Variants in INSYN2B observed in about 807,000 individuals in gnomAD.
INSYN2B encodes the protein inhibitory synaptic factor family member 2B.
INSYN2B carries 16 observed loss-of-function variants against 41.2 expected under a neutral mutation model. That is an observed-to-expected ratio of 0.39 (90% CI 0.26 to 0.59). The LOEUF is 0.59. Ranked by LOEUF, INSYN2B falls within the 20% of genes least tolerant of loss-of-function variation. The pLI is 0.57. For synonymous variants in INSYN2B, 245 were observed against 244.4 expected (o/e 1.00, Z -0.02); for missense variants, 608 against 646.4 (o/e 0.94, Z 0.64).
intron 1 of INSYN2B, chr5:169,934,567 A>T (rs1375750916): frequency 2.2e-6 from 1 of 451,048 alleles, no homozygotes; most frequent in Non-Finnish European, 4.5e-6. Flanking sequence ...ACACACCTGG[A>T]TCTAAATCCT....
chr5:169,946,654 G>A (rs989698184), intron 1 of INSYN2B, among the ~76,000 whole-genome samples: 5 of 152,198 alleles, frequency 3.3e-5, no homozygotes, highest in African/African-American at 4.8e-5. Flanking sequence ...GAATAAGATA[G>A]GCCAGTTCCT....
intron 1 of INSYN2B, among the ~76,000 whole-genome samples, chr5:169,919,492 T>G (rs1775057221): frequency 6.6e-6 from 1 of 152,248 alleles, no homozygotes; most frequent in Non-Finnish European, 1.5e-5. Context: ...GCCACCTGAT[T>G]TATTCTCTGA....
At position 169,883,231 on chromosome 5, in the gene INSYN2B, G is replaced by A. The variant is rs1301678165; in HGVS notation, c.668C>T (p.Pro223Leu). 7 of 1,551,460 alleles carry A rather than the reference G, an allele frequency of 4.5e-6. No individual in the cohort carries two copies. In the Admixed American group the frequency reaches 1.2e-4, roughly 26 times the overall value. The change falls in exon 2 of 4, where the codon CCA (proline) becomes CTA (leucine). Residue 223 changes from proline (P) to leucine (L), a missense_variant. Physicochemically the swap from Pro to Leu is moderately conservative, Grantham distance 98. Transcript: ENST00000377365. ...GTTACTTACTTCAGCTGACCTGTCT[G>A]GGCTGAGAGCAGACTCTCTAGCTTC... is the stretch of plus-strand genomic sequence containing the variant. ...SWEARESALS[P>L]DRSAEVSNSI...
chr5:169,945,447 T>C (rs1776408206), intron 1 of INSYN2B, among the ~76,000 whole-genome samples: 1 of 152,228 alleles, frequency 6.6e-6, no homozygotes, highest in Non-Finnish European at 1.5e-5. Context: ...CTAACAAGTG[T>C]TATTAATTGA....
chr5:169,938,386 A>G (rs1419818228), intron 1 of INSYN2B, among the ~76,000 whole-genome samples: 2 of 152,166 alleles, frequency 1.3e-5, no homozygotes, highest in Non-Finnish European at 2.9e-5. Flanking sequence ...ACGAAGCTAG[A>G]TGAGAGCCTA....
intron 1 of INSYN2B, among the ~76,000 whole-genome samples, chr5:169,945,497 ATGTGT>A (rs1776410158): frequency 6.6e-6 from 1 of 152,268 alleles, no homozygotes; most frequent in Non-Finnish European, 1.5e-5. Context: ...AACACTTTGT[ATGTGT>A]TGTCTCATGC....
At chr5:169,888,762 T>G (rs1773119535) in intron 1 of INSYN2B, among the ~76,000 whole-genome samples, 2 of 152,326 alleles carry the variant, frequency 1.3e-5, no homozygotes, top group South Asian at 4.1e-4. Context: ...TGAAATAATC[T>G]ATATGAAATG....
chr5:169,912,676 A>G (rs537011348), intron 1 of INSYN2B, among the ~76,000 whole-genome samples: 1 of 152,032 alleles, frequency 6.6e-6, no homozygotes, highest in African/African-American at 2.4e-5. Flanking sequence ...ATGTTGCATT[A>G]TACCCATAAT....
chr5:169,867,625 CATCTATCTATCT>C (rs35247242), intron 3 of INSYN2B, among the ~76,000 whole-genome samples: 2 of 150,818 alleles, frequency 1.3e-5, no homozygotes, highest in Non-Finnish European at 3.0e-5. Flanking sequence ...CATTATCTAT[CATCTATCTATCT>C]ATCTATCTAT....
intron 1 of INSYN2B, among the ~76,000 whole-genome samples, chr5:169,956,901 C>T (rs577539030): frequency 8.2e-4 from 125 of 152,252 alleles, no homozygotes; most frequent in Non-Finnish European, 1.3e-3. Context: ...TATTGGCCAA[C>T]ATGCCTGGTT....
chr5:169,929,775 A>AG (rs1561832412), intron 1 of INSYN2B, among the ~76,000 whole-genome samples: 31 of 148,554 alleles, frequency 2.1e-4, no homozygotes, highest in South Asian at 2.1e-4. Flanking sequence ...GAGAGAGAGA[A>AG]AGAAGCTATC....
chr5:169,897,091 A>T (rs1773652686), intron 1 of INSYN2B, among the ~76,000 whole-genome samples: 1 of 152,204 alleles, frequency 6.6e-6, no homozygotes, highest in African/African-American at 2.4e-5. Context: ...ATTTATTATG[A>T]ATTTATTTAC....
intron 1 of INSYN2B, among the ~76,000 whole-genome samples, chr5:169,944,733 T>G (rs1030652067): frequency 5.3e-5 from 8 of 152,234 alleles, no homozygotes; most frequent in African/African-American, 1.9e-4. Flanking sequence ...TCACCAGTGC[T>G]AGGAACCTTG....
chr5:169,963,766 C>T (rs969337885), intron 1 of INSYN2B, among the ~76,000 whole-genome samples: 14 of 152,144 alleles, frequency 9.2e-5, no homozygotes, highest in African/African-American at 3.1e-4. Context: ...TAGCATCATT[C>T]ACTCACTACA....
intron 1 of INSYN2B, among the ~76,000 whole-genome samples, chr5:169,892,637 G>A (rs543894574): frequency 3.3e-5 from 5 of 152,294 alleles, no homozygotes; most frequent in African/African-American, 1.2e-4. Flanking sequence ...AATTGCATTT[G>A]TCACAGACAC....
intron 1 of INSYN2B, among the ~76,000 whole-genome samples, chr5:169,938,908 T>TAC (rs1776109060): frequency 8.3e-6 from 1 of 120,450 alleles, no homozygotes; most frequent in Middle Eastern, 3.8e-3. Flanking sequence ...TTTTTTTCTT[T>TAC]TCTTTTTTTT....
chr5:169,963,351 A>G (rs779016975), intron 1 of INSYN2B, among the ~76,000 whole-genome samples: 4 of 152,266 alleles, frequency 2.6e-5, no homozygotes, highest in Non-Finnish European at 4.4e-5. Flanking sequence ...CAGGAACTCA[A>G]TCTCAGCCTT....
chr5:169,974,759 C>T (rs1777652482), intron 1 of INSYN2B, among the ~76,000 whole-genome samples: 1 of 152,148 alleles, frequency 6.6e-6, no homozygotes, highest in Non-Finnish European at 1.5e-5. Context: ...GGCACAGAAG[C>T]CCATCGTTGT....
chr5:169,971,889 C>T (rs1331550780), intron 1 of INSYN2B, among the ~76,000 whole-genome samples: 1 of 152,172 alleles, frequency 6.6e-6, no homozygotes, highest in Non-Finnish European at 1.5e-5. Context: ...TCATTTCCAC[C>T]TCTGCCACTT....
Sources: allele counts gnomAD v4.1 joint callset (sites outside exome capture counted in the v4.1 genomes callset), GRCh38; gene constraint gnomAD v4.1.1; transcripts MANE v1.5; gene names NCBI Gene and HGNC (gene_info 2026-07-23, HGNC 2026-07-21).